Variants in PRMT9 observed in about 807,000 individuals in gnomAD.
PRMT9 encodes protein arginine N-methyltransferase 9.
Under a neutral mutation model 83.2 loss-of-function variants are expected in PRMT9, and 59 were observed. The observed-to-expected ratio is 0.71, with a 90% confidence interval of 0.57 to 0.88. The LOEUF (loss-of-function observed/expected upper bound fraction) is 0.88. Among genes scored for constraint, PRMT9 ranks in the 40% least tolerant of loss-of-function variants. The pLI is 0.00. For synonymous variants in PRMT9, 333 were observed against 353.2 expected, an observed-to-expected ratio of 0.94 and a Z score of 0.64; for missense variants, 947 against 1,021.9, an observed-to-expected ratio of 0.93 and a Z score of 1.00.
chr4:147,659,408 A>T (rs1734780370), intron 7 of PRMT9, among the ~76,000 whole-genome samples: 1 of 151,804 alleles, frequency 6.6e-6, no homozygotes, highest in Non-Finnish European at 1.5e-5. Context: ...TCTCAAAAAA[A>T]AAAGAAAAAA....
chr4:147,639,717 A>C (rs940611993), intron 10 of PRMT9, among the ~76,000 whole-genome samples: 12 of 152,298 alleles, frequency 7.9e-5, no homozygotes, highest in East Asian at 3.9e-4. Context: ...GCTACTATTA[A>C]TACTAATGAT....
Position 147,683,821 on chromosome 4 carries a change from G to A in PRMT9, c.167C>T (p.Pro56Leu), listed in dbSNP as rs144054978. ...AHYLLVLSLA[P>L]ELKHDVKETF... ...CACCTTCACGTCGTGTTTCAGCTCCGGCGCCAGGCTGAGCACGAGGAGGTA... is the reference window on the plus strand; with the variant it reads ...CACCTTCACGTCGTGTTTCAGCTCCAGCGCCAGGCTGAGCACGAGGAGGTA... Residue 56 changes from proline (P) to leucine (L), a missense_variant, in exon 1 of 12, where the codon CCG becomes CTG. Coordinates refer to ENST00000322396, the MANE Select transcript of PRMT9 (RefSeq NM_138364.4). 1.2e-6 allele frequency: 2 copies of A among 1,603,704 alleles called. No individual in the cohort carries two copies. Among genetic ancestry groups the A allele is most frequent in the Non-Finnish European group, 1.7e-6 (2 of 1,174,802 alleles).
intron 9 of PRMT9, among the ~76,000 whole-genome samples, chr4:147,647,278 G>A (rs1480622577): frequency 6.6e-6 from 1 of 152,058 alleles, no homozygotes; most frequent in Non-Finnish European, 1.5e-5. Flanking sequence ...TAAAACCTAA[G>A]ATTGGTCTTT....
At chr4:147,650,997 G>A (rs575518172) in intron 9 of PRMT9, among the ~76,000 whole-genome samples, 14 of 152,096 alleles carry the variant, frequency 9.2e-5, no homozygotes, top group Non-Finnish European at 2.1e-4. Flanking sequence ...AGCTACTCGG[G>A]AGGCTGAGGC....
chr4:147,676,985 A>C (rs1736130377), intron 2 of PRMT9, among the ~76,000 whole-genome samples: 1 of 149,314 alleles, frequency 6.7e-6, no homozygotes, highest in Admixed American at 6.7e-5. Flanking sequence ...CGGAGGTTGC[A>C]GTGAGCTGAG....
chr4:147,647,228 A>G (rs1300584965), intron 9 of PRMT9, among the ~76,000 whole-genome samples: 1 of 152,174 alleles, frequency 6.6e-6, no homozygotes, highest in African/African-American at 2.4e-5. Flanking sequence ...CACAAGATGT[A>G]TAACTGCCCC....
chr4:147,639,382 A>C (rs1445792325), intron 10 of PRMT9: 1 of 299,696 alleles, frequency 3.3e-6, no homozygotes, highest in Non-Finnish European at 6.3e-6. Flanking sequence ...GAGCAGATTA[A>C]ATTTTTTCTT....
chr4:147,683,314 T>C (rs1736617958), intron 1 of PRMT9, among the ~76,000 whole-genome samples: 1 of 152,198 alleles, frequency 6.6e-6, no homozygotes, highest in African/African-American at 2.4e-5. Flanking sequence ...ATGAAAGTTT[T>C]GAAACTGAGA....
intron 5 of PRMT9, among the ~76,000 whole-genome samples, chr4:147,669,568 T>C (rs1181769500): frequency 4.0e-5 from 6 of 151,370 alleles, no homozygotes; most frequent in Non-Finnish European, 1.5e-5. Flanking sequence ...AAAAAATAAA[T>C]TGCTTGGCCA....
At position 147,660,864 on chromosome 4, in the gene PRMT9, T is replaced by C. The variant is rs377086961; in HGVS notation, c.1128A>G (p.Val376=). 5.6e-6 allele frequency: 9 copies of C among 1,612,496 alleles called. No homozygotes were observed. The highest frequency in any genetic ancestry group is 2.7e-5 in the African/African-American group (2 of 74,896). ...TTTTCACCTGAAGGTTGTTGAAATC[T>C]ACTGTCATAATTTCAAAGCACTCTG... The part of the protein sequence containing the change: ...ALTECFEIMT[V]DFNNLQELKS... Residue 376 remains valine, a synonymous_variant, in exon 7 of 12, where the codon GTA becomes GTG. Coordinates refer to ENST00000322396, the MANE Select transcript of PRMT9 (RefSeq NM_138364.4).
At chr4:147,647,279 A>C (rs1269413812) in intron 9 of PRMT9, among the ~76,000 whole-genome samples, 1 of 152,088 alleles carries the variant, frequency 6.6e-6, no homozygotes, top group South Asian at 2.1e-4. Flanking sequence ...AAAACCTAAG[A>C]TTGGTCTTTG....
intron 4 of PRMT9, among the ~76,000 whole-genome samples, chr4:147,671,030 C>A (rs1446019083): frequency 6.6e-6 from 1 of 152,040 alleles, no homozygotes; most frequent in Admixed American, 6.6e-5. Context: ...TCTCTCCAGG[C>A]TATTTTTTCA....
intron 9 of PRMT9, among the ~76,000 whole-genome samples, chr4:147,651,059 C>T (rs533629449): frequency 3.3e-5 from 5 of 151,740 alleles, no homozygotes; most frequent in African/African-American, 1.2e-4. Context: ...GGTGAGATAG[C>T]GCCACTGCAG....
intron 10 of PRMT9, among the ~76,000 whole-genome samples, chr4:147,640,305 T>G (rs1439810206): frequency 6.6e-6 from 1 of 151,996 alleles, no homozygotes; most frequent in African/African-American, 2.4e-5. Context: ...ACTCCTGGAC[T>G]CAAACAATCT....
rs559046612 is a variant in PRMT9, at chr4:147,647,472, C to T, written c.2046-4532G>A. 6.6e-5 allele frequency among the ~76,000 whole-genome samples: 10 copies of T among 151,788 alleles called. 1 individual carries two copies. The highest frequency in any genetic ancestry group is 3.9e-4 in the Admixed American group (6 of 15,224). On this transcript the variant is annotated intron_variant, in intron 9 of 11. Coordinates refer to ENST00000322396, the MANE Select transcript of PRMT9 (RefSeq NM_138364.4). The stretch of plus-strand genomic sequence containing the variant: ...CTCTGAGTTCTCAGGGAGGTGGATT[C>T]GAAAAACATGTCCCATTCTTCCACT...
At chr4:147,664,850 C>T (rs947546529) in intron 6 of PRMT9, among the ~76,000 whole-genome samples, 13 of 151,948 alleles carry the variant, frequency 8.6e-5, no homozygotes, top group Non-Finnish European at 1.5e-4. Flanking sequence ...CACAGTGGCT[C>T]ACACCTGTAA....
At chr4:147,666,629 C>T (rs1224606592) in intron 6 of PRMT9, among the ~76,000 whole-genome samples, 1 of 152,034 alleles carries the variant, frequency 6.6e-6, no homozygotes, top group Non-Finnish European at 1.5e-5. Context: ...TCTAATAAGG[C>T]AAGTTTAGTT....
chr4:147,640,302 G>T (rs1373414092), intron 10 of PRMT9, among the ~76,000 whole-genome samples: 1 of 151,676 alleles, frequency 6.6e-6, no homozygotes, highest in Admixed American at 6.6e-5. Context: ...CGAACTCCTG[G>T]ACTCAAACAA....
intron 2 of PRMT9, among the ~76,000 whole-genome samples, chr4:147,679,020 A>G (rs1578943505): frequency 6.6e-6 from 1 of 152,232 alleles, no homozygotes; most frequent in African/African-American, 2.4e-5. Flanking sequence ...CAAGACTCCC[A>G]ACATGTAAGT....
Sources: gnomAD v4.1 joint callset for allele counts (sites outside exome capture counted in the v4.1 genomes callset) on GRCh38, gnomAD v4.1.1 for gene constraint, MANE v1.5 for transcripts, NCBI Gene and HGNC (gene_info 2026-07-23, HGNC 2026-07-21) for gene names.